TMTC2: variants seen among roughly 807,000 people sequenced by gnomAD.
The protein encoded by TMTC2 is transmembrane O-mannosyltransferase targeting cadherins 2, also known as protein O-mannosyl-transferase TMTC2.
Under a neutral mutation model 82.4 loss-of-function variants are expected in TMTC2, and 43 were observed. The observed-to-expected ratio is 0.52, with a 90% CI of 0.41 to 0.67. The LOEUF (loss-of-function observed/expected upper bound fraction) is 0.67, where lower values mean the gene tolerates loss of function less well. Ranked by LOEUF, TMTC2 falls within the 30% of genes least tolerant of loss-of-function variation. The pLI is 0.00. For synonymous variants in TMTC2, 408 were observed against 381.9 expected (o/e 1.07, Z -0.80); for missense variants, 919 against 1,012.4 (o/e 0.91, Z 1.25).
At chr12:82,918,346 A>G (rs1385779627) in intron 3 of TMTC2, among the ~76,000 whole-genome samples, 2 of 152,180 alleles carry the variant, frequency 1.3e-5, no homozygotes, top group Admixed American at 6.5e-5. Flanking sequence ...TTACCTCCTC[A>G]TGGAAGTAAC....
chr12:82,762,498 T>C (rs1278058198), intron 1 of TMTC2, among the ~76,000 whole-genome samples: 1 of 152,214 alleles, frequency 6.6e-6, no homozygotes, highest in Non-Finnish European at 1.5e-5. Flanking sequence ...TAACCTCTTT[T>C]TCCACCTCCC....
In TMTC2 at chr12:82,859,137, G is replaced by A. The variant is rs1400538276; in HGVS notation, c.654+1557G>A. 2.7e-5 allele frequency among the ~76,000 whole-genome samples: 4 copies of A among 149,770 alleles called. No individual in the cohort carries two copies. In the Admixed American group the frequency reaches 2.7e-4, roughly 10 times the overall value. On this transcript the variant is annotated intron_variant, in intron 2 of 11. Coordinates refer to ENST00000321196, the MANE Select transcript of TMTC2 (RefSeq NM_152588.3). ...GGCTGGAGTGCAGTGGCGCCATCTCGGCTCACTGCAACCTCCGCCCCCCAG... is the reference window on the plus strand; with the variant it reads ...GGCTGGAGTGCAGTGGCGCCATCTCAGCTCACTGCAACCTCCGCCCCCCAG...
Position 82,843,773 on chromosome 12 carries a change from C to A in TMTC2, c.84-13237C>A, listed in dbSNP as rs1870477617. Among the ~76,000 whole-genome samples, 4 of 152,046 alleles carry A rather than the reference C, an allele frequency of 2.6e-5. No individual in the cohort carries two copies. In the South Asian group the frequency reaches 8.3e-4, roughly 32 times the overall value. On this transcript the variant is annotated intron_variant, in intron 1 of 11. Coordinates refer to ENST00000321196, the MANE Select transcript of TMTC2 (RefSeq NM_152588.3). ...GACCAGTCTGGCCAACATGGTGAAACCCCGTCTCTACTAAAAATACAAAAA... is the reference window on the plus strand; with the variant it reads ...GACCAGTCTGGCCAACATGGTGAAAACCCGTCTCTACTAAAAATACAAAAA...
At chr12:82,771,821 GT>G (rs1254400928) in intron 1 of TMTC2, among the ~76,000 whole-genome samples, 1 of 152,056 alleles carries the variant, frequency 6.6e-6, no homozygotes, top group Admixed American at 6.6e-5. Flanking sequence ...GGGGAAGTAG[GT>G]AGGAAAGGAA....
At chr12:83,067,987 A>G (rs1020171055) in intron 11 of TMTC2, among the ~76,000 whole-genome samples, 4 of 152,118 alleles carry the variant, frequency 2.6e-5, no homozygotes, top group African/African-American at 9.7e-5. Context: ...AAATTATTTC[A>G]GAACATTATT....
chr12:82,834,217 G>T (rs924318800), intron 1 of TMTC2, among the ~76,000 whole-genome samples: 1 of 152,214 alleles, frequency 6.6e-6, no homozygotes, highest in Admixed American at 6.5e-5. Flanking sequence ...TTACATGAAT[G>T]TGGCAGATAT....
chr12:82,742,517 T>A (rs916459649), intron 1 of TMTC2, among the ~76,000 whole-genome samples: 2 of 150,892 alleles, frequency 1.3e-5, no homozygotes, highest in Non-Finnish European at 3.0e-5. Context: ...ATATCCTGTA[T>A]ATTCTTTTTT....
Position 82,687,224 on chromosome 12 carries a change from C to T in TMTC2, c.-363C>T, listed in dbSNP as rs1872352391. Reference sequence around the variant, plus strand: ...CTTCCACCTCCTCCGAGTCCCACTCCTCACCTAGGACGCCCCAAACTGCCA... The same window carrying T: ...CTTCCACCTCCTCCGAGTCCCACTCTTCACCTAGGACGCCCCAAACTGCCA... On this transcript the variant is annotated 5_prime_UTR_variant, in exon 1 of 12. Coordinates refer to ENST00000321196, the MANE Select transcript of TMTC2 (RefSeq NM_152588.3). 6.5e-6 allele frequency: 2 copies of T among 308,268 alleles called. No homozygotes were observed. The highest frequency in any genetic ancestry group is 7.0e-5 in the South Asian group (2 of 28,702). The allele number at this position is 308,268 out of a possible 1,614,324, so 19.1% of individuals were successfully genotyped here. A position where few individuals can be genotyped will look rare whatever the true frequency, so the allele number is the denominator to read the frequency against.
At chr12:83,000,234 A>G (rs1055308601) in intron 8 of TMTC2, among the ~76,000 whole-genome samples, 11 of 152,058 alleles carry the variant, frequency 7.2e-5, no homozygotes, top group Admixed American at 7.2e-4. Flanking sequence ...TCCCTAGTTC[A>G]AGCAATTCTC....
At chr12:83,052,077 T>A (rs990766211) in intron 10 of TMTC2, among the ~76,000 whole-genome samples, 1 of 152,144 alleles carries the variant, frequency 6.6e-6, no homozygotes, top group Non-Finnish European at 1.5e-5. Flanking sequence ...ATTAAATGAC[T>A]TCTATACTGT....
intron 11 of TMTC2, among the ~76,000 whole-genome samples, chr12:83,075,710 T>C (rs1157383675): frequency 6.6e-6 from 1 of 152,236 alleles, no homozygotes; most frequent in Non-Finnish European, 1.5e-5. Flanking sequence ...GCAAGATAGA[T>C]GTTCATTTCC....
At chr12:82,864,934 G>T (rs1871759485) in intron 2 of TMTC2, among the ~76,000 whole-genome samples, 1 of 151,404 alleles carries the variant, frequency 6.6e-6, no homozygotes, top group Non-Finnish European at 1.5e-5. Flanking sequence ...AGCTTTCTCA[G>T]CTGGGTGCAG....
intron 9 of TMTC2, among the ~76,000 whole-genome samples, chr12:83,033,637 G>A (rs1362194095): frequency 6.6e-6 from 1 of 151,976 alleles, no homozygotes; most frequent in Non-Finnish European, 1.5e-5. Flanking sequence ...TGTAATCCCA[G>A]CTACTCAGGA....
chr12:82,783,697 T>G (rs1878024573), intron 1 of TMTC2, among the ~76,000 whole-genome samples: 1 of 152,020 alleles, frequency 6.6e-6, no homozygotes, highest in African/African-American at 2.4e-5. Flanking sequence ...CATGAAGAAT[T>G]TAGCTTACTT....
chr12:82,733,581 C>G (rs1374618169), intron 1 of TMTC2, among the ~76,000 whole-genome samples: 2 of 152,096 alleles, frequency 1.3e-5, no homozygotes, highest in Non-Finnish European at 2.9e-5. Flanking sequence ...AAATGACATG[C>G]CTTTGACGAT....
intron 2 of TMTC2, among the ~76,000 whole-genome samples, chr12:82,893,693 A>G (rs1439723009): frequency 6.6e-6 from 1 of 151,990 alleles, no homozygotes; most frequent in Non-Finnish European, 1.5e-5. Context: ...ACCCCCTTTT[A>G]GATTAAAAAA....
rs1255458992 is a variant in TMTC2, at chr12:82,918,734, C to CTT, written c.1484-11696_1484-11695insTT. Among the ~76,000 whole-genome samples the CTT allele has an allele frequency of 4.7e-5, 7 of 149,778 alleles. No homozygotes were observed. In the East Asian group the frequency reaches 1.4e-3, roughly 29 times the overall value. On this transcript the variant is annotated intron_variant, in intron 3 of 11. Transcript: ENST00000321196. ...TTTTCTTCTCTCTCTCTCTCTCTCT[C>CTT]TCTCTTTCTCTCCCTCTCTCTCTCT...
chr12:82,729,610 A>G (rs2136937544), intron 1 of TMTC2, among the ~76,000 whole-genome samples: 1 of 152,304 alleles, frequency 6.6e-6, no homozygotes, highest in East Asian at 1.9e-4. Context: ...TAAATGCACC[A>G]ATCAGCACCC....
chr12:82,793,609 G>A (rs777204923), intron 1 of TMTC2, among the ~76,000 whole-genome samples: 10 of 152,016 alleles, frequency 6.6e-5, no homozygotes, highest in Non-Finnish European at 4.4e-5. Flanking sequence ...AGTATTAGCT[G>A]TAATAAAAAA....
Sources: gnomAD v4.1 joint callset for allele counts (sites outside exome capture counted in the v4.1 genomes callset) on GRCh38, gnomAD v4.1.1 for gene constraint, MANE v1.5 for transcripts, NCBI Gene and HGNC (gene_info 2026-07-23, HGNC 2026-07-21) for gene names.